Variants in PCCA observed in about 807,000 individuals in gnomAD.
PCCA encodes propionyl-CoA carboxylase subunit alpha.
In PCCA, 74 loss-of-function variants were observed where a neutral mutation model predicts 101.3. The ratio of observed to expected loss-of-function variants is 0.73; its 90% CI spans 0.61 to 0.89. The LOEUF is 0.89. Among genes scored for constraint, PCCA ranks in the 40% least tolerant of loss-of-function variants. The pLI, the probability that PCCA is intolerant of heterozygous loss-of-function variation, is 0.00. For synonymous variants in PCCA, 294 were observed against 313.6 expected (o/e 0.94, Z 0.66); for missense variants, 891 against 907.0 (o/e 0.98, Z 0.23).
At chr13:100,314,407 T>A (rs1003797230) in intron 16 of PCCA, among the ~76,000 whole-genome samples, 1 of 152,162 alleles carries the variant, frequency 6.6e-6, no homozygotes, top group Non-Finnish European at 1.5e-5. Context: ...GTAGGCATGA[T>A]TGATCCTATC....
At chr13:100,482,233 A>G (rs1165637362) in intron 21 of PCCA, among the ~76,000 whole-genome samples, 1 of 152,210 alleles carries the variant, frequency 6.6e-6, no homozygotes, top group African/African-American at 2.4e-5. Flanking sequence ...CAGCAGCTAG[A>G]GCAGAGGACT....
intron 20 of PCCA, among the ~76,000 whole-genome samples, chr13:100,446,120 C>G (rs1394955368): frequency 6.6e-6 from 1 of 152,150 alleles, no homozygotes; most frequent in Non-Finnish European, 1.5e-5. Flanking sequence ...TCACTGCAAC[C>G]TCCAACTCCC....
chr13:100,104,135 C>T (rs2047539777), intron 2 of PCCA, among the ~76,000 whole-genome samples: 1 of 152,034 alleles, frequency 6.6e-6, no homozygotes, highest in Non-Finnish European at 1.5e-5. Context: ...AGGGATTGTT[C>T]AAGGTGAGTG....
At chr13:100,137,804 CTT>C (rs34819598) in intron 4 of PCCA, among the ~76,000 whole-genome samples, 27 of 144,370 alleles carry the variant, frequency 1.9e-4, no homozygotes, top group African/African-American at 3.1e-4. Flanking sequence ...ATGTTTAAGT[CTT>C]TTTTTTTTTT....
chr13:100,103,025 C>A (rs1016570804), intron 2 of PCCA, 65 bp downstream of exon 2: 2 of 1,037,310 alleles, frequency 1.9e-6, no homozygotes. Context: ...TTTCTCGTCT[C>A]CACACTGTGT....
At chr13:100,416,570 T>C (rs557712437) in intron 19 of PCCA, among the ~76,000 whole-genome samples, 2 of 151,742 alleles carry the variant, frequency 1.3e-5, no homozygotes, top group African/African-American at 4.8e-5. Context: ...TCTTGCTCTG[T>C]TGCCCAGGGT....
At chr13:100,094,038 G>A (rs1349371560) in intron 1 of PCCA, among the ~76,000 whole-genome samples, 1 of 152,018 alleles carries the variant, frequency 6.6e-6, no homozygotes, top group Non-Finnish European at 1.5e-5. Flanking sequence ...AGACCAGCCT[G>A]ACCAACATGG....
chr13:100,348,766 TTC>T (rs1237957082), intron 18 of PCCA, among the ~76,000 whole-genome samples: 14 of 95,582 alleles, frequency 1.5e-4, no homozygotes, highest in African/African-American at 6.1e-4. Context: ...CTTTCTTTCT[TTC>T]TTTCTTTCTT....
intron 16 of PCCA, 54 bp from the exon 17 acceptor site, chr13:100,330,507 A>G: frequency 3.7e-6 from 4 of 1,073,266 alleles, no homozygotes; most frequent in Non-Finnish European, 5.8e-6. Flanking sequence ...GATTATCAGA[A>G]TTCAATTTTT....
rs530557704 is a variant in PCCA, at chr13:100,228,345, A to G, written c.601-7497A>G. Among the ~76,000 whole-genome samples the G allele has an allele frequency of 1.8e-4, 27 of 152,064 alleles. No individual in the cohort carries two copies. In the South Asian group the frequency reaches 5.2e-3, roughly 29 times the overall value. ...TGACTTTTCTTCCACTTTGGGGAGG[A>G]TTATTATGTAATGTGTCAGAAATTT... On this transcript the variant is annotated intron_variant, in intron 7 of 23. Transcript: ENST00000376285.
chr13:100,422,912 C>G (rs1242051393), intron 19 of PCCA, among the ~76,000 whole-genome samples: 1 of 149,364 alleles, frequency 6.7e-6, no homozygotes, highest in East Asian at 1.9e-4. Flanking sequence ...CTATGGTTGC[C>G]TTTGAGACTT....
At chr13:100,205,458 G>A (rs2058793289) in intron 6 of PCCA, among the ~76,000 whole-genome samples, 1 of 150,522 alleles carries the variant, frequency 6.6e-6, no homozygotes, top group Non-Finnish European at 1.5e-5. Flanking sequence ...TGAAACATTT[G>A]TAGTTATCCA....
chr13:100,196,930 T>C (rs895711390), intron 6 of PCCA, among the ~76,000 whole-genome samples: 12 of 152,188 alleles, frequency 7.9e-5, no homozygotes, highest in Non-Finnish European at 1.5e-4. Flanking sequence ...ATAAATGTAG[T>C]AGGTGAGAGG....
chr13:100,298,425 C>T (rs1360427701), intron 12 of PCCA, among the ~76,000 whole-genome samples: 17 of 152,078 alleles, frequency 1.1e-4, no homozygotes, highest in Non-Finnish European at 1.0e-4. Flanking sequence ...GAAACCTTTT[C>T]CCCCCACATA....
chr13:100,487,433 C>T (rs547228825), intron 21 of PCCA, among the ~76,000 whole-genome samples: 22 of 152,330 alleles, frequency 1.4e-4, no homozygotes, highest in Non-Finnish European at 2.1e-4. Flanking sequence ...AGATTATTGA[C>T]TCTGAATTTA....
intron 21 of PCCA, among the ~76,000 whole-genome samples, chr13:100,508,237 T>G (rs1294587390): frequency 2.0e-5 from 3 of 152,198 alleles, no homozygotes; most frequent in Admixed American, 2.0e-4. Context: ...ACCCTCCCCA[T>G]TTTTGCAGGA....
intron 1 of PCCA, among the ~76,000 whole-genome samples, chr13:100,090,990 AC>A (rs938544962): frequency 9.2e-5 from 2 of 21,748 alleles, no homozygotes; most frequent in Non-Finnish European, 1.6e-4. Flanking sequence ...TTTCTAACAA[AC>A]AGAGATGAAT....
chr13:100,107,443 C>G (rs1373592239), intron 2 of PCCA, among the ~76,000 whole-genome samples: 1 of 152,070 alleles, frequency 6.6e-6, no homozygotes, highest in Non-Finnish European at 1.5e-5. Flanking sequence ...AGTCCCTGCG[C>G]TCTGGGAGGC....
At chr13:100,224,001 C>T (rs2059979792) in intron 7 of PCCA, among the ~76,000 whole-genome samples, 1 of 152,260 alleles carries the variant, frequency 6.6e-6, no homozygotes, top group Non-Finnish European at 1.5e-5. Flanking sequence ...GTGGATCCCG[C>T]ACCGGGGCTG....
Sources: allele counts gnomAD v4.1 joint callset (sites outside exome capture counted in the v4.1 genomes callset), GRCh38; gene constraint gnomAD v4.1.1; transcripts MANE v1.5; gene names NCBI Gene and HGNC (gene_info 2026-07-23, HGNC 2026-07-21).